PRDM16: variants seen among roughly 807,000 people sequenced by gnomAD.
PRDM16 encodes the protein PR/SET domain 16.
A neutral mutation model predicts 110.6 loss-of-function variants in PRDM16; 23 were observed. That is an observed-to-expected ratio of 0.21 (90% confidence interval 0.15 to 0.29). PRDM16 has a LOEUF of 0.29. Ranked by LOEUF, PRDM16 falls within the 10% of genes least tolerant of loss-of-function variation. The pLI, the probability that PRDM16 is intolerant of heterozygous loss-of-function variation, is 1.00. For synonymous variants in PRDM16, 799 were observed against 781.8 expected (o/e 1.02, Z -0.37); for missense variants, 1,615 against 1,794.3 (o/e 0.90, Z 1.81).
rs573291560 is a variant in PRDM16 at position 3,177,342 on chromosome 1, T to C, written c.38-8783T>C. Among the ~76,000 whole-genome samples, 59 of 152,160 alleles carry C rather than the reference T, an allele frequency of 3.9e-4. 1 individual carries two copies. The highest frequency in any genetic ancestry group is 7.4e-4 in the Non-Finnish European group (50 of 68,022). ...GCCCTTACTGACTGCCAGGAAACTGTTTCAGGTGTTTTGTCATTGTAGGGA... is the reference window on the plus strand; with the variant it reads ...GCCCTTACTGACTGCCAGGAAACTGCTTCAGGTGTTTTGTCATTGTAGGGA... On this transcript the variant is annotated intron_variant, in intron 1 of 16. Coordinates refer to ENST00000270722, the MANE Select transcript of PRDM16 (RefSeq NM_022114.4).
At chr1:3,249,344 T>G (rs1180200883) in intron 3 of PRDM16, among the ~76,000 whole-genome samples, 1 of 152,084 alleles carries the variant, frequency 6.6e-6, no homozygotes, top group Non-Finnish European at 1.5e-5. Flanking sequence ...GTATGGGAAC[T>G]AGAAGGCTCT....
At chr1:3,408,371 G>A (rs758829563) in intron 8 of PRDM16, among the ~76,000 whole-genome samples, 28 of 152,342 alleles carry the variant, frequency 1.8e-4, no homozygotes, top group Non-Finnish European at 3.1e-4. Context: ...GGTAGAGCGA[G>A]AGGAGAGGAG....
Position 3,244,606 on chromosome 1 carries a change from G to A in PRDM16, c.438+469G>A, listed in dbSNP as rs943652802. ...TTTTAAATAAGCAAAACCACGAGGC[G>A]AGAGAAAAAGGGTCCACGTGGCATT... is the stretch of plus-strand genomic sequence containing the variant. On this transcript the variant is annotated intron_variant, in intron 3 of 16. Transcript: ENST00000270722. This position sits in a 1 kb window ranked among gnomAD's most constrained non-coding sequence, Gnocchi z 4.1. Among the ~76,000 whole-genome samples, 2 of 152,176 alleles carry A rather than the reference G, an allele frequency of 1.3e-5. No individual in the cohort carries two copies. Among genetic ancestry groups the A allele is most frequent in the African/African-American group, 4.8e-5 (2 of 41,436 alleles).
intron 3 of PRDM16, among the ~76,000 whole-genome samples, chr1:3,311,001 G>A (rs372948015): frequency 6.6e-6 from 1 of 152,100 alleles, no homozygotes; most frequent in African/African-American, 2.4e-5. Flanking sequence ...GTGCGTATGT[G>A]TGTGTGTGTG....
At chr1:3,397,044 G>A (rs915432541) in intron 5 of PRDM16, among the ~76,000 whole-genome samples, 2 of 152,184 alleles carry the variant, frequency 1.3e-5, no homozygotes, top group African/African-American at 4.8e-5. Context: ...TTGTAGCTTC[G>A]AAGCATTTCT....
At chr1:3,346,116 C>T (rs1003917033) in intron 3 of PRDM16, among the ~76,000 whole-genome samples, 3 of 152,234 alleles carry the variant, frequency 2.0e-5, no homozygotes, top group African/African-American at 7.2e-5. Context: ...CTGAGCTGAG[C>T]GAGAACTTTC....
intron 1 of PRDM16, among the ~76,000 whole-genome samples, chr1:3,122,000 C>G (rs553332122): frequency 2.6e-5 from 4 of 152,228 alleles, no homozygotes; most frequent in Non-Finnish European, 5.9e-5. Flanking sequence ...CGGTTGGTAT[C>G]GCCAGATCTT....
chr1:3,237,463 T>TC (rs1639563926), intron 2 of PRDM16, among the ~76,000 whole-genome samples: 1 of 151,970 alleles, frequency 6.6e-6, no homozygotes, highest in South Asian at 2.1e-4. Context: ...GCAGGGTGGG[T>TC]CCTACCCATT....
At chr1:3,165,043 G>A (rs1643934907) in intron 1 of PRDM16, among the ~76,000 whole-genome samples, 1 of 152,264 alleles carries the variant, frequency 6.6e-6, no homozygotes, top group African/African-American at 2.4e-5. Flanking sequence ...GGTGCTTGGG[G>A]AGATGCCTGG....
At chr1:3,204,282 G>T (rs1638700572) in intron 2 of PRDM16, among the ~76,000 whole-genome samples, 1 of 152,168 alleles carries the variant, frequency 6.6e-6, no homozygotes, top group African/African-American at 2.4e-5. Flanking sequence ...TGTGTGGGGG[G>T]AGGGCAGTGG....
intron 1 of PRDM16, among the ~76,000 whole-genome samples, chr1:3,136,506 G>C (rs1002409454): frequency 6.6e-6 from 1 of 152,200 alleles, no homozygotes; most frequent in African/African-American, 2.4e-5. Flanking sequence ...GCGGGGAGAA[G>C]CCGGTTTCTA....
chr1:3,392,210 G>A (rs1015536353), intron 4 of PRDM16, among the ~76,000 whole-genome samples: 2 of 152,228 alleles, frequency 1.3e-5, no homozygotes, highest in African/African-American at 2.4e-5. Context: ...CTGCTTTCAC[G>A]TGTTTTGTGA....
At chr1:3,117,641 G>A (rs536660928) in intron 1 of PRDM16, among the ~76,000 whole-genome samples, 1 of 152,206 alleles carries the variant, frequency 6.6e-6, no homozygotes, top group East Asian at 1.9e-4. Context: ...AGGGTGAGGA[G>A]CAGAGCCAGG....
chr1:3,116,860 T>G lies in PRDM16; in HGVS notation c.37+47564T>G, dbSNP rs549123904. On this transcript the variant is annotated intron_variant, in intron 1 of 16. Coordinates refer to ENST00000270722, the MANE Select transcript of PRDM16 (RefSeq NM_022114.4). ...CCCCCACCTGCCTCCAGTCAGGCCC[T>G]CCACAAACCCCCGTGACTGGGCACT... 1.5e-4 allele frequency among the ~76,000 whole-genome samples: 23 copies of G among 152,206 alleles called. No individual in the cohort carries two copies. In the South Asian group the frequency reaches 3.3e-3, roughly 22 times the overall value.
intron 2 of PRDM16, among the ~76,000 whole-genome samples, chr1:3,188,755 T>C (rs979817773): frequency 2.0e-5 from 3 of 152,126 alleles, no homozygotes; most frequent in Admixed American, 6.6e-5. Flanking sequence ...GGGGCAGCCA[T>C]GTGCGTCGGT....
intron 2 of PRDM16, among the ~76,000 whole-genome samples, chr1:3,234,723 G>A (rs541239893): frequency 2.5e-4 from 38 of 152,336 alleles, no homozygotes; most frequent in African/African-American, 8.4e-4. Flanking sequence ...GTAGCAGCTC[G>A]GTAAATTCTA....
At chr1:3,283,083 G>A (rs1640747246) in intron 3 of PRDM16, among the ~76,000 whole-genome samples, 1 of 152,224 alleles carries the variant, frequency 6.6e-6, no homozygotes, top group African/African-American at 2.4e-5. Flanking sequence ...CAGGTGCGGG[G>A]TGCGTCTTCA....
At chr1:3,311,068 C>T (rs930632958) in intron 3 of PRDM16, among the ~76,000 whole-genome samples, 5 of 152,166 alleles carry the variant, frequency 3.3e-5, no homozygotes, top group African/African-American at 1.2e-4. Flanking sequence ...CAGCTGAACC[C>T]GGCCCCAGGA....
At position 3,426,177 on chromosome 1, in the gene PRDM16, T is replaced by G. The variant is rs778955197; in HGVS notation, c.3236T>G (p.Phe1079Cys). ...TCTTATTTCTCGGAAATCAGAAACT[T>G]TATTGCCAATAGTGAGATGAACCAA... is the stretch of plus-strand genomic sequence containing the variant. ...EDSYFSEIRN[F>C]IANSEMNQAS... Residue 1079 changes from phenylalanine to cysteine, a missense_variant, in exon 14 of 17, where the codon TTT becomes TGT. This residue lies in a region of PRDM16 where 327 missense variants were observed against 359.3 expected (regional missense o/e 0.91). Transcript: ENST00000270722. 6.2e-6 allele frequency: 10 copies of G among 1,613,644 alleles called. No homozygotes were observed. The highest frequency in any genetic ancestry group is 2.7e-5 in the African/African-American group (2 of 74,826).
Sources: gnomAD v4.1 joint callset for allele counts (sites outside exome capture counted in the v4.1 genomes callset) on GRCh38, gnomAD v4.1.1 for gene constraint, gnomAD v4.1.1 regional missense constraint, Gnocchi (gnomAD v3.1) non-coding constraint, MANE v1.5 for transcripts, NCBI Gene and HGNC (gene_info 2026-07-23, HGNC 2026-07-21) for gene names.